The following UNG variants were observed in gnomAD, a reference collection of about 807,000 sequenced individuals.
UNG encodes the protein uracil DNA glycosylase.
Under a neutral mutation model 36.5 loss-of-function variants are expected in UNG, and 34 were observed. That is an observed-to-expected ratio of 0.93 (90% CI 0.71 to 1.24). UNG has a LOEUF of 1.24. Among genes scored for constraint, UNG ranks in the 50% most tolerant of loss-of-function variants. The pLI is 0.00. For synonymous variants in UNG, 172 were observed against 157.8 expected, an observed-to-expected ratio of 1.09 and a Z score of -0.67; for missense variants, 391 against 397.6, an observed-to-expected ratio of 0.98 and a Z score of 0.14.
Position 109,102,015 on chromosome 12 carries a change from A to G in UNG, c.533+16A>G, listed in dbSNP as rs1466510796. ...CTCCGCCCAGGTACAGTTGCTTTACAGGTGACTGCAGTCCAGACATGATTC... is the reference window on the plus strand; with the variant it reads ...CTCCGCCCAGGTACAGTTGCTTTACGGGTGACTGCAGTCCAGACATGATTC... On this transcript the variant is annotated intron_variant, in intron 4 of 6. Coordinates refer to ENST00000242576, the MANE Select transcript of UNG (RefSeq NM_080911.3). 1.2e-6 allele frequency: 2 copies of G among 1,607,540 alleles called. No homozygotes were observed. Among genetic ancestry groups the G allele is most frequent in the Admixed American group, 3.3e-5 (2 of 59,952 alleles).
At chr12:109,101,170 G>A (rs956049221) in intron 3 of UNG, among the ~76,000 whole-genome samples, 1 of 113,582 alleles carries the variant, frequency 8.8e-6, no homozygotes, top group African/African-American at 3.5e-5. Flanking sequence ...TCGGCTTACT[G>A]CAACCTCCAC....
At chr12:109,103,751 A>G in intron 6 of UNG, 140 bp downstream of exon 6, 4 of 1,019,596 alleles carry the variant, frequency 3.9e-6, no homozygotes, top group Non-Finnish European at 5.7e-6. Context: ...TAGGCCTGTT[A>G]TAAGGGTTTC....
intron 6 of UNG, among the ~76,000 whole-genome samples, chr12:109,108,345 G>A (rs1358712805): frequency 6.6e-6 from 1 of 152,098 alleles, no homozygotes; most frequent in African/African-American, 2.4e-5. Flanking sequence ...AAGAGACAGG[G>A]TCTCTTGGCT....
At chr12:109,103,170 G>A (rs900048531) in intron 5 of UNG, among the ~76,000 whole-genome samples, 1 of 152,018 alleles carries the variant, frequency 6.6e-6, no homozygotes, top group African/African-American at 2.4e-5. Flanking sequence ...TGGCCAGGCT[G>A]GTCTCGAACT....
chr12:109,098,828 G>T (rs2042155245), intron 2 of UNG, among the ~76,000 whole-genome samples, 190 bp downstream of exon 2: 2 of 152,172 alleles, frequency 1.3e-5, no homozygotes. Flanking sequence ...GGTTAAAGTT[G>T]TTAACGACCC....
At chr12:109,098,854 G>A (rs560204484) in intron 2 of UNG, among the ~76,000 whole-genome samples, 13 of 152,248 alleles carry the variant, frequency 8.5e-5, no homozygotes, top group African/African-American at 2.9e-4. Context: ...ATGATATCAT[G>A]GATTCATTTA....
At position 109,097,693 on chromosome 12, in the gene UNG, A is replaced by C; in HGVS notation, c.14A>C (p.Lys5Thr). The C allele has an allele frequency of 3.7e-6, 6 of 1,604,212 alleles. No homozygotes were observed. The highest frequency in any genetic ancestry group is 1.3e-5 in the African/African-American group (1 of 74,730). The change falls in exon 1 of 7, where the codon AAG becomes ACG. Residue 5 changes from lysine to threonine, a missense_variant. Lys to Thr is a moderately conservative substitution (Grantham distance 78). Coordinates refer to ENST00000242576, the MANE Select transcript of UNG (RefSeq NM_080911.3). Reference protein sequence around the residue: MIGQKTLYSFFSPSP... With the variant: MIGQTTLYSFFSPSP... ...CTCAGCTCCAGGATGATCGGCCAGA[A>C]GACGCTCTACTCCTTTTTCTCCCCC...
intron 6 of UNG, among the ~76,000 whole-genome samples, chr12:109,106,877 A>ATATATCTATATACACATATATATATACG: frequency 2.8e-5 from 1 of 35,134 alleles, no homozygotes; most frequent in African/African-American, 6.5e-5. Flanking sequence ...AAAAAAAAAC[A>ATATATCTATATACACATATATATATACG]TATATATATA....
rs1260517814 is a variant in UNG at position 109,110,353 on chromosome 12, G to A, written c.*384G>A. 36 of 270,536 alleles carry A rather than the reference G, an allele frequency of 1.3e-4. No individual in the cohort carries two copies. In the Admixed American group the frequency reaches 1.6e-3, roughly 12 times the overall value. The allele number at this position is 270,536 out of a possible 1,614,324, so 16.8% of individuals were successfully genotyped here. On this transcript the variant is annotated 3_prime_UTR_variant, in exon 7 of 7. Coordinates refer to ENST00000242576, the MANE Select transcript of UNG (RefSeq NM_080911.3). Reference sequence around the variant, plus strand: ...TTGCCTGGTTAGACTTTCAGTGACAGATGTTGGGGTGTTTTTGCTTAGAAA... The same window carrying A: ...TTGCCTGGTTAGACTTTCAGTGACAAATGTTGGGGTGTTTTTGCTTAGAAA...
At chr12:109,105,020 C>T (rs983393020) in intron 6 of UNG, 1 of 152,130 alleles carries the variant, frequency 6.6e-6, no homozygotes, top group Non-Finnish European at 1.5e-5. Flanking sequence ...TCAAGCACTT[C>T]TCCTGCCTCA....
Position 109,099,020 on chromosome 12 carries a change from A to G in UNG, c.340-169A>G, listed in dbSNP as rs55802800. ...AGGAATTGACCTGATTGAACCACTT[A>G]GGTGGGGGGGCAGGCACTGTTTTTG... On this transcript the variant is annotated intron_variant, in intron 2 of 6. Coordinates refer to ENST00000242576, the MANE Select transcript of UNG (RefSeq NM_080911.3). Among the ~76,000 whole-genome samples, 255 of 152,316 alleles carry G rather than the reference A, an allele frequency of 1.7e-3. 2 individuals are homozygous for G. Among genetic ancestry groups the G allele is most frequent in the African/African-American group, 6.0e-3 (248 of 41,580 alleles).
At position 109,109,985 on chromosome 12, in the gene UNG, T is replaced by A; in HGVS notation, c.*16T>A. On this transcript the variant is annotated 3_prime_UTR_variant, in exon 7 of 7. Transcript: ENST00000242576. ...GGAGCTGTGATCATCAGCTGAGGGG[T>A]GGCCTTTGAGAAGCTGCTGTTAACG... 1 of 1,613,988 alleles carries A rather than the reference T, an allele frequency of 6.2e-7. No homozygotes were observed. Among genetic ancestry groups the A allele is most frequent in the Non-Finnish European group, 8.5e-7 (1 of 1,180,020 alleles).
chr12:109,100,371 G>A (rs1407038774), intron 3 of UNG, among the ~76,000 whole-genome samples: 1 of 152,098 alleles, frequency 6.6e-6, no homozygotes, highest in Non-Finnish European at 1.5e-5. Flanking sequence ...TTCCTCCCCC[G>A]TTTTGTAAAC....
chr12:109,101,834 G>A, intron 3 of UNG, 68 bp from the exon 4 acceptor site: 2 of 1,363,236 alleles, frequency 1.5e-6, no homozygotes. Flanking sequence ...GTTTATGTTT[G>A]TTTGAGGCAG....
intron 1 of UNG, 41 bp from the exon 2 acceptor site, chr12:109,098,391 C>A: frequency 6.2e-7 from 1 of 1,601,244 alleles, no homozygotes; most frequent in African/African-American, 1.3e-5. Context: ...GGGAAGGGGC[C>A]GCTGCAGCTC....
Position 109,103,462 on chromosome 12 carries a change from G to A in UNG, c.652G>A (p.Val218Ile). ...TCTCCTTCTCAACGCTGTCCTCACG[G>A]TTCGTGCCCATCAAGCCAACTCTCA... is the stretch of plus-strand genomic sequence containing the variant. ...GVLLLNAVLT[V>I]RAHQANSHKE... The change falls in exon 6 of 7, where the codon GTT becomes ATT. Residue 218 changes from valine to isoleucine, a missense_variant. Physicochemically the swap from Val to Ile is conservative, Grantham distance 29. Transcript: ENST00000242576. The A allele has an allele frequency of 6.2e-7, 1 of 1,614,102 alleles. No individual in the cohort carries two copies. Among genetic ancestry groups the A allele is most frequent in the Non-Finnish European group, 8.5e-7 (1 of 1,180,010 alleles).
intron 5 of UNG, 124 bp from the exon 6 acceptor site, chr12:109,103,309 G>A (rs2042192201): frequency 1.1e-6 from 1 of 935,120 alleles, no homozygotes; most frequent in Non-Finnish European, 1.7e-6. Flanking sequence ...CTGCAGCAGG[G>A]AAGCACAGCT....
In UNG at chr12:109,099,187, A is replaced by G; in HGVS notation, c.340-2A>G. 6.2e-7 allele frequency: 1 copy of G among 1,612,720 alleles called. No homozygotes were observed. Among genetic ancestry groups the G allele is most frequent in the Non-Finnish European group, 8.5e-7 (1 of 1,179,662 alleles). ...TTTAAGTCTAGTTTATCTTTAAATC[A>G]GCTAATGGGATTTGTTGCAGAAGAA... is the stretch of plus-strand genomic sequence containing the variant. On this transcript the variant is annotated splice_acceptor_variant, in intron 2 of 6. Coordinates refer to ENST00000242576, the MANE Select transcript of UNG (RefSeq NM_080911.3). LOFTEE classifies it high-confidence loss of function.
chr12:109,099,906 AC>A lies in UNG; in HGVS notation c.435+623del, dbSNP rs1472190373. On this transcript the variant is annotated intron_variant, in intron 3 of 6. Transcript: ENST00000242576. The stretch of plus-strand genomic sequence containing the variant: ...AATGAAACCTGGTCTCTCCTAAAAT[AC>A]AAAAATTAGCCGGGCATGGTGGCGC... Among the ~76,000 whole-genome samples the A allele has an allele frequency of 5.9e-5, 9 of 152,278 alleles. No individual in the cohort carries two copies. In the South Asian group the frequency reaches 1.0e-3, roughly 18 times the overall value.
Sources: allele counts gnomAD v4.1 joint callset (sites outside exome capture counted in the v4.1 genomes callset), GRCh38; gene constraint gnomAD v4.1.1; transcripts MANE v1.5; gene names NCBI Gene and HGNC (gene_info 2026-07-23, HGNC 2026-07-21).